Variants in CAMTA1 observed in about 807,000 individuals in gnomAD.
CAMTA1 encodes calmodulin binding transcription activator 1.
CAMTA1 carries 27 observed loss-of-function variants against 170.9 expected under a neutral mutation model. The ratio of observed to expected loss-of-function variants is 0.16; its 90% CI spans 0.12 to 0.22. The LOEUF is 0.22. CAMTA1 is among the 10% of genes least tolerant of loss of function. CAMTA1 has a pLI of 1.00. For synonymous variants in CAMTA1, 833 were observed against 891.5 expected (o/e 0.93, Z 1.17); for missense variants, 1,619 against 2,217.2 (o/e 0.73, Z 5.42).
chr1:7,431,637 C>CCTCTA lies in CAMTA1; in HGVS notation c.439-36190_439-36186dup, dbSNP rs779892874. Among the ~76,000 whole-genome samples, 7 of 152,260 alleles carry CCTCTA rather than the reference C, an allele frequency of 4.6e-5. No homozygotes were observed. In the South Asian group the frequency reaches 8.3e-4, roughly 18 times the overall value. ...GCCAGGCAGTTAAGCCTGCTGGTGG[C>CCTCTA]CTCTACTTCCTCCTGCCGTGGCGCC... On this transcript the variant is annotated intron_variant, in intron 5 of 22. Transcript: ENST00000303635.
intron 6 of CAMTA1, among the ~76,000 whole-genome samples, chr1:7,493,775 G>T (rs1324988863): frequency 6.6e-6 from 1 of 152,218 alleles, no homozygotes. Context: ...TCAGCGAAAT[G>T]CAGTTCTATG....
At chr1:7,694,661 G>C (rs994985044) in intron 11 of CAMTA1, 1 of 152,450 alleles carries the variant, frequency 6.6e-6, no homozygotes, top group South Asian at 2.1e-4. Context: ...GGTTGTAAAC[G>C]GCTCCATTTT....
At chr1:7,453,207 C>T (rs1449321993) in intron 5 of CAMTA1, among the ~76,000 whole-genome samples, 1 of 152,236 alleles carries the variant, frequency 6.6e-6, no homozygotes, top group Admixed American at 6.5e-5. Context: ...CCAGCGGCAG[C>T]CTGGGTTCCC....
chr1:7,026,635 C>CTT (rs540196853), intron 3 of CAMTA1, among the ~76,000 whole-genome samples: 24 of 116,532 alleles, frequency 2.1e-4, no homozygotes, highest in African/African-American at 6.1e-4. Context: ...TGGGTGGCTG[C>CTT]TTTTTTTTTT....
At chr1:6,860,309 A>G (rs563511971) in intron 3 of CAMTA1, among the ~76,000 whole-genome samples, 31 of 152,108 alleles carry the variant, frequency 2.0e-4, no homozygotes, top group Non-Finnish European at 4.1e-4. Context: ...TTATCCTTAG[A>G]TGTTTAATAT....
intron 4 of CAMTA1, among the ~76,000 whole-genome samples, chr1:7,226,902 G>A (rs1034953340): frequency 2.0e-5 from 3 of 151,680 alleles, no homozygotes; most frequent in Non-Finnish European, 4.4e-5. Flanking sequence ...GCACGGTCTC[G>A]GCTCACTGCA....
chr1:6,921,827 C>T (rs891652701), intron 3 of CAMTA1, among the ~76,000 whole-genome samples: 4 of 152,134 alleles, frequency 2.6e-5, no homozygotes, highest in East Asian at 1.9e-4. Flanking sequence ...AGACCCGTCC[C>T]GCTAATTCAG....
At position 7,498,873 on chromosome 1, in the gene CAMTA1, TGA is replaced by T. The variant is rs145070018; in HGVS notation, c.510+30974_510+30975del. 6.7e-4 allele frequency among the ~76,000 whole-genome samples: 89 copies of T among 132,478 alleles called. No individual in the cohort carries two copies. In the East Asian group the frequency reaches 0.018, roughly 26 times the overall value. The allele number at this position is 132,478 out of a possible 152,430, so 86.9% of individuals were successfully genotyped here. On this transcript the variant is annotated intron_variant, in intron 6 of 22. Transcript: ENST00000303635. The stretch of plus-strand genomic sequence containing the variant: ...ATGTATGAGTGTGTGTGTGCATGAG[TGA>T]GTGTGTAGAGAGGATGGTGTGAGCC...
At chr1:7,358,371 A>G (rs1375313777) in intron 5 of CAMTA1, among the ~76,000 whole-genome samples, 1 of 152,238 alleles carries the variant, frequency 6.6e-6, no homozygotes, top group East Asian at 1.9e-4. Flanking sequence ...AAGTCAGAGC[A>G]TGTCAAGCTG....
At chr1:7,199,859 T>A (rs1656328840) in intron 4 of CAMTA1, among the ~76,000 whole-genome samples, 1 of 152,186 alleles carries the variant, frequency 6.6e-6, no homozygotes, top group African/African-American at 2.4e-5. Flanking sequence ...CGCCACCAGC[T>A]TGAGAAGTAA....
chr1:7,142,258 T>C, intron 4 of CAMTA1: 1 of 462,414 alleles, frequency 2.2e-6, no homozygotes. Flanking sequence ...CTCTCTGCTT[T>C]CTTTCAACTC....
At chr1:7,134,446 A>G (rs1222218060) in intron 4 of CAMTA1, among the ~76,000 whole-genome samples, 1 of 152,152 alleles carries the variant, frequency 6.6e-6, no homozygotes, top group South Asian at 2.1e-4. Context: ...GGCCTGTGCC[A>G]CCATTCCTGG....
At chr1:7,733,971 C>A (rs113231402) in intron 12 of CAMTA1, among the ~76,000 whole-genome samples, 1 of 152,018 alleles carries the variant, frequency 6.6e-6, no homozygotes, top group African/African-American at 2.4e-5. Context: ...CTTTTTGACA[C>A]GAAGTCTTGC....
At chr1:7,211,173 A>G (rs1399222024) in intron 4 of CAMTA1, among the ~76,000 whole-genome samples, 2 of 152,216 alleles carry the variant, frequency 1.3e-5, no homozygotes, top group Non-Finnish European at 1.5e-5. Flanking sequence ...AGATGTCAGC[A>G]CACTTCATCC....
At position 7,050,581 on chromosome 1, in the gene CAMTA1, T is replaced by A. The variant is rs987217114; in HGVS notation, c.235-40723T>A. ...GCAAACGTCACCTGGCAGTGCCCAG[T>A]TGAGATATCTGTCTCGGCAGTACCA... On this transcript the variant is annotated intron_variant, in intron 3 of 22. Coordinates refer to ENST00000303635, the MANE Select transcript of CAMTA1 (RefSeq NM_015215.4). The surrounding 1 kb of genome is among the most constrained non-coding windows in gnomAD (Gnocchi z 4.8). Among the ~76,000 whole-genome samples, 1 of 152,200 alleles carries A rather than the reference T, an allele frequency of 6.6e-6. No homozygotes were observed. The highest frequency in any genetic ancestry group is 1.5e-5 in the Non-Finnish European group (1 of 68,038).
chr1:7,103,543 T>C (rs995702501), intron 4 of CAMTA1, among the ~76,000 whole-genome samples: 17 of 80,766 alleles, frequency 2.1e-4, no homozygotes, highest in African/African-American at 1.3e-3. Context: ...ACTACACACA[T>C]GTACACACTA....
At chr1:7,323,615 C>A (rs1260033666) in intron 5 of CAMTA1, among the ~76,000 whole-genome samples, 1 of 149,784 alleles carries the variant, frequency 6.7e-6, no homozygotes, top group Non-Finnish European at 1.5e-5. Flanking sequence ...CTCCACTTCC[C>A]AGGTTCAAAC....
chr1:7,680,861 C>CGCGCCAGCAGCAGCAGCAGCAG lies in CAMTA1; in HGVS notation c.2914+3128_2914+3129insGCGCCAGCAGCAGCAGCAGCAG, dbSNP rs1553247057. ...GAGAACACGCGCGCGCGCGCGCGCG[C>CGCGCCAGCAGCAGCAGCAGCAG]CAGCAGCAGCAGCAGCAGCAGCTGC... is the stretch of plus-strand genomic sequence containing the variant. On this transcript the variant is annotated intron_variant, in intron 11 of 22. Transcript: ENST00000303635. This position sits in a 1 kb window ranked among gnomAD's most constrained non-coding sequence, Gnocchi z 4.4. 7.3e-6 allele frequency among the ~76,000 whole-genome samples: 1 copy of CGCGCCAGCAGCAGCAGCAGCAG among 136,566 alleles called. No homozygotes were observed. The highest frequency in any genetic ancestry group is 7.1e-5 in the Admixed American group (1 of 14,074). The allele number at this position is 136,566 out of a possible 152,430, so 89.6% of individuals were successfully genotyped here.
intron 5 of CAMTA1, among the ~76,000 whole-genome samples, chr1:7,410,903 G>C (rs959507366): frequency 3.9e-5 from 5 of 128,332 alleles, no homozygotes; most frequent in African/African-American, 2.1e-4. Context: ...GCGTCTGTGT[G>C]TGTGTGTGTG....
Sources: gnomAD v4.1 joint callset for allele counts (sites outside exome capture counted in the v4.1 genomes callset) on GRCh38, gnomAD v4.1.1 for gene constraint, Gnocchi (gnomAD v3.1) non-coding constraint, MANE v1.5 for transcripts, NCBI Gene and HGNC (gene_info 2026-07-23, HGNC 2026-07-21) for gene names.